Variants in F8 observed in about 807,000 individuals in gnomAD.
F8 encodes antihemophilic factor.
F8 carries 12 observed loss-of-function variants against 140.6 expected under a neutral mutation model. The ratio of observed to expected loss-of-function variants is 0.09; its 90% CI spans 0.05 to 0.14. F8 has a LOEUF of 0.14. Ranked by LOEUF, F8 falls within the 10% of genes least tolerant of loss-of-function variation. The probability of loss-of-function intolerance (pLI) is 1.00; values close to 1 mark genes in which losing one functional copy is unlikely to be tolerated. For synonymous variants in F8, 585 were observed against 614.6 expected (o/e 0.95, Z 0.71); for missense variants, 1,354 against 1,720.7 (o/e 0.79, Z 3.77).
At position 155,000,748 on chromosome X, in the gene F8, C is replaced by A. The variant is rs28370197; in HGVS notation, c.144-1148G>T. Among the ~76,000 whole-genome samples, 943 of 112,156 alleles carry A rather than the reference C, an allele frequency of 8.4e-3. 11 individuals are homozygous for A. Among genetic ancestry groups the A allele is most frequent in the African/African-American group, 0.029 (894 of 30,825 alleles). Reference sequence around the variant, plus strand: ...AAGGAGAGATTTTTAAAGACATACACTTAGATGTGAAGCAGTTGTTCGAGT... The same window carrying A: ...AAGGAGAGATTTTTAAAGACATACAATTAGATGTGAAGCAGTTGTTCGAGT... On this transcript the variant is annotated intron_variant, in intron 1 of 25. Coordinates refer to ENST00000360256, the MANE Select transcript of F8 (RefSeq NM_000132.4).
chrX:154,902,846 T>TG (rs2073016944), intron 18 of F8, among the ~76,000 whole-genome samples: 1 of 111,968 alleles, frequency 8.9e-6, no homozygotes, highest in African/African-American at 3.2e-5. Context: ...CTATCCATGT[T>TG]GGAGTTCAAA....
intron 14 of F8, among the ~76,000 whole-genome samples, chrX:154,916,273 CTGT>C (rs1176576266): frequency 9.0e-6 from 1 of 111,713 alleles, no homozygotes; most frequent in African/African-American, 3.3e-5. Flanking sequence ...TTTCTTTTTG[CTGT>C]TGTTGTGTCT....
chrX:154,896,208 T>A lies in F8; in HGVS notation c.6298A>T (p.Ile2100Phe). The A allele has an allele frequency of 8.3e-7, 1 of 1,211,407 alleles. No individual in the cohort carries two copies. The highest frequency in any genetic ancestry group is 2.2e-5 in the Admixed American group (1 of 46,051). ...IKVDLLAPMIIHGIKTQGARQ... is the reference protein window; with the variant it reads ...IKVDLLAPMIFHGIKTQGARQ... The stretch of plus-strand genomic sequence containing the variant: ...GCACCCTGGGTCTTGATGCCGTGAA[T>A]AATCATTGGTGCCAACAGATCCACC... The change falls in exon 22 of 26, where the codon ATT becomes TTT. Residue 2100 changes from isoleucine (I) to phenylalanine (F), a missense_variant. Around this residue, in one of 4 missense-constraint regions of F8, gnomAD observed 316 missense variants for 485.4 expected, o/e 0.65. Coordinates refer to ENST00000360256, the MANE Select transcript of F8 (RefSeq NM_000132.4).
rs1936645 is a variant in F8 at position 154,969,895 on chromosome X, G to C, written c.788-343C>G. 0.4 allele frequency among the ~76,000 whole-genome samples: 44,596 copies of C among 110,135 alleles called. 8,372 individuals carry two copies. The highest frequency in any genetic ancestry group is 0.74 in the African/African-American group (22,278 of 30,239). The stretch of plus-strand genomic sequence containing the variant: ...GACTGCTCCTTCTTCTGTCTCCCCT[G>C]CTGACCTCTTCTGGAACTCCAGGCT... On this transcript the variant is annotated intron_variant, in intron 6 of 25. Coordinates refer to ENST00000360256, the MANE Select transcript of F8 (RefSeq NM_000132.4).
At chrX:154,851,195 A>G (rs782609337) in intron 25 of F8, among the ~76,000 whole-genome samples, 2 of 112,723 alleles carry the variant, frequency 1.8e-5, no homozygotes, top group South Asian at 7.3e-4. Context: ...GCTTTCAAGG[A>G]GCATCCATGT....
intron 25 of F8, among the ~76,000 whole-genome samples, chrX:154,850,097 G>A (rs1451434916): frequency 9.4e-6 from 1 of 106,254 alleles, no homozygotes; most frequent in Non-Finnish European, 1.9e-5. Flanking sequence ...GTGTGTGTGT[G>A]TGTGTGTGTG....
intron 25 of F8, among the ~76,000 whole-genome samples, chrX:154,843,370 A>G (rs2072537637): frequency 8.9e-6 from 1 of 112,133 alleles, no homozygotes. Flanking sequence ...GAATCGCCAC[A>G]CTGTCTTCCA....
Position 154,928,645 on chromosome X carries a change from T to G in F8, c.5145A>C (p.Arg1715=), listed in dbSNP as rs2073172911. 3 of 1,210,584 alleles carry G rather than the reference T, an allele frequency of 2.5e-6. No individual in the cohort carries two copies. In the African/African-American group the frequency reaches 5.2e-5, roughly 21 times the overall value. ...TCTCCACTGCAGCAATAAAATAGTGTCGTGTTTTCTTTTGAAAGCTGCGGG... is the reference window on the plus strand; with the variant it reads ...TCTCCACTGCAGCAATAAAATAGTGGCGTGTTTTCTTTTGAAAGCTGCGGG... ...QSPRSFQKKT[R]HYFIAAVERL... The change falls in exon 14 of 26, where the codon CGA becomes CGC. Residue 1715 remains arginine (R), a synonymous_variant. Transcript: ENST00000360256.
intron 1 of F8, among the ~76,000 whole-genome samples, chrX:155,000,774 C>T (rs1250173939): frequency 8.0e-5 from 9 of 111,880 alleles, no homozygotes; most frequent in South Asian, 3.7e-4. Flanking sequence ...TTGTTCGAGT[C>T]GCATGTCTTA....
intron 10 of F8, among the ~76,000 whole-genome samples, chrX:154,958,177 T>C (rs1557281374): frequency 9.0e-6 from 1 of 111,435 alleles, no homozygotes; most frequent in Non-Finnish European, 1.9e-5. Flanking sequence ...TTCCATGACA[T>C]GAGAGATGTT....
intron 21 of F8, chrX:154,898,134 C>G (rs2072992087): frequency 8.9e-6 from 1 of 112,012 alleles, no homozygotes; most frequent in African/African-American, 3.2e-5. Flanking sequence ...ATTGCCTGGT[C>G]TTGGTCACCT....
intron 1 of F8, among the ~76,000 whole-genome samples, chrX:155,012,981 C>T (rs1032648592): frequency 9.3e-6 from 1 of 108,053 alleles, no homozygotes; most frequent in African/African-American, 3.4e-5. Flanking sequence ...CCCGTCTCTA[C>T]TATCAGTATA....
At chrX:154,982,353 A>G (rs5987075) in intron 6 of F8, among the ~76,000 whole-genome samples, 25,645 of 101,643 alleles carry the variant, frequency 0.25, 2,582 homozygotes, top group South Asian at 0.4. Context: ...AGGCTGAGGC[A>G]GGAGAATGGC....
intron 1 of F8, among the ~76,000 whole-genome samples, chrX:155,017,502 G>A (rs1011648094): frequency 1.8e-5 from 2 of 112,102 alleles, no homozygotes; most frequent in Admixed American, 9.4e-5. Flanking sequence ...AAAATCATAC[G>A]TCTAGATTAT....
intron 11 of F8, among the ~76,000 whole-genome samples, chrX:154,954,253 G>A (rs1011977843): frequency 5.4e-5 from 6 of 111,622 alleles, no homozygotes; most frequent in Admixed American, 1.9e-4. Context: ...GTGTCCCCAG[G>A]ACAAGAGGGT....
intron 25 of F8, among the ~76,000 whole-genome samples, chrX:154,843,099 T>C (rs868967059): frequency 6.3e-5 from 7 of 111,961 alleles, no homozygotes; most frequent in African/African-American, 1.9e-4. Flanking sequence ...TCCAGCTTCA[T>C]CCATGTCCCT....
intron 17 of F8, 33 bp downstream of exon 17, chrX:154,904,263 A>G (rs372571491): frequency 1.7e-6 from 2 of 1,150,335 alleles, no homozygotes; most frequent in African/African-American, 3.5e-5. Flanking sequence ...TCTGCATTTC[A>G]CAGTGATAAT....
chrX:154,927,162 G>A (rs1485628633), intron 14 of F8, among the ~76,000 whole-genome samples: 1 of 111,836 alleles, frequency 8.9e-6, no homozygotes, highest in Non-Finnish European at 1.9e-5. Flanking sequence ...CCTTGAAAAT[G>A]TAGTTCTTAT....
intron 21 of F8, among the ~76,000 whole-genome samples, chrX:154,898,328 T>C: frequency 8.9e-6 from 1 of 112,292 alleles, no homozygotes; most frequent in Non-Finnish European, 1.9e-5. Context: ...AGCTGGACCT[T>C]AGTAGGACAG....
Sources: gnomAD v4.1 joint callset for allele counts (sites outside exome capture counted in the v4.1 genomes callset) on GRCh38, gnomAD v4.1.1 for gene constraint, gnomAD v4.1.1 regional missense constraint, MANE v1.5 for transcripts, NCBI Gene and HGNC (gene_info 2026-07-23, HGNC 2026-07-21) for gene names.